The following LRP1B variants were observed in gnomAD, a reference collection of about 807,000 sequenced individuals.
The protein encoded by LRP1B is LDL receptor related protein 1B.
A neutral mutation model predicts 556.6 loss-of-function variants in LRP1B; 217 were observed. The observed-to-expected ratio is 0.39, with a 90% CI of 0.35 to 0.44. The LOEUF (loss-of-function observed/expected upper bound fraction) is 0.44. LRP1B is among the 20% of genes least tolerant of loss of function. LRP1B has a pLI of 1.00. For synonymous variants in LRP1B, 2,047 were observed against 1,865.8 expected (o/e 1.10, Z -2.50); for missense variants, 5,053 against 5,620.8 (o/e 0.90, Z 3.23).
At chr2:140,496,748 T>G (rs1423184517) in intron 55 of LRP1B, among the ~76,000 whole-genome samples, 3 of 152,022 alleles carry the variant, frequency 2.0e-5, no homozygotes, top group Non-Finnish European at 2.9e-5. Flanking sequence ...GGCCAGATGA[T>G]TATGATCACA....
Position 142,130,824 on chromosome 2 carries a change from G to A in LRP1B, c.-95C>T. 1.1e-6 allele frequency: 1 copy of A among 921,598 alleles called. No homozygotes were observed. Among genetic ancestry groups the A allele is most frequent in the Non-Finnish European group, 1.7e-6 (1 of 573,786 alleles). 57.1% of individuals were successfully genotyped at this position (921,598 alleles called of 1,614,324 possible). On this transcript the variant is annotated 5_prime_UTR_variant, in exon 1 of 91. Transcript: ENST00000389484. ...GGCGGCAGGGGCCGCTTGGAGCCTGGAATCGAGCGGCGTCATTTACAAATG... is the reference window on the plus strand; with the variant it reads ...GGCGGCAGGGGCCGCTTGGAGCCTGAAATCGAGCGGCGTCATTTACAAATG...
intron 18 of LRP1B, among the ~76,000 whole-genome samples, chr2:140,956,771 G>A (rs1256439883): frequency 4.0e-5 from 6 of 151,734 alleles, no homozygotes; most frequent in South Asian, 2.1e-4. Flanking sequence ...AAGGCTTTGC[G>A]GGCAGGTAAA....
At chr2:141,334,614 C>G (rs1050095260) in intron 3 of LRP1B, among the ~76,000 whole-genome samples, 1 of 152,326 alleles carries the variant, frequency 6.6e-6, no homozygotes, top group Non-Finnish European at 1.5e-5. Flanking sequence ...TGTAGTGGCA[C>G]CATCTTGGCT....
In LRP1B at chr2:141,810,394, C is replaced by A. The variant is rs141633030; in HGVS notation, c.90G>T (p.Gln30His). 16 of 1,612,700 alleles carry A rather than the reference C, an allele frequency of 9.9e-6. No homozygotes were observed. The African/African-American group carries it at 2.1e-4, about 22-fold the overall frequency. The change falls in exon 2 of 91, where the codon CAG (glutamine) becomes CAT (histidine). Residue 30 changes from glutamine to histidine, a missense_variant. By Grantham distance (24) the Gln-to-His change is conservative (BLOSUM62 0). Coordinates refer to ENST00000389484, the MANE Select transcript of LRP1B (RefSeq NM_018557.3). ...VLTVGADRDQ[Q>H]LCDPGEFLCH... ...AAAGAAATTCACCAGGATCACACAA[C>A]TGCTGATCTGAAAATGAAAATGTTT...
At chr2:140,412,772 G>GT (rs1315352285) in intron 66 of LRP1B, among the ~76,000 whole-genome samples, 1 of 151,920 alleles carries the variant, frequency 6.6e-6, no homozygotes, top group Admixed American at 6.6e-5. Flanking sequence ...AATGTTTGCC[G>GT]TTTTTTACAT....
intron 35 of LRP1B, among the ~76,000 whole-genome samples, chr2:140,720,683 A>G (rs999779989): frequency 2.0e-5 from 3 of 152,108 alleles, no homozygotes; most frequent in African/African-American, 7.2e-5. Context: ...CCTTGTCTGT[A>G]TTCTTATGAT....
At chr2:141,966,830 G>A (rs773541681) in intron 1 of LRP1B, among the ~76,000 whole-genome samples, 1 of 151,614 alleles carries the variant, frequency 6.6e-6, no homozygotes, top group African/African-American at 2.4e-5. Flanking sequence ...CTCTAAGCTC[G>A]CTGGATACAT....
chr2:141,493,680 A>T lies in LRP1B; in HGVS notation c.206-13147T>A, dbSNP rs1475658418. Reference sequence around the variant, plus strand: ...GCCCACCTGTGTCTGAGCCAGCAGGAGATTATTTGAGGGGTCCTGTGATGG... The same window carrying T: ...GCCCACCTGTGTCTGAGCCAGCAGGTGATTATTTGAGGGGTCCTGTGATGG... On this transcript the variant is annotated intron_variant, in intron 2 of 90. Coordinates refer to ENST00000389484, the MANE Select transcript of LRP1B (RefSeq NM_018557.3). Among the ~76,000 whole-genome samples, 3 of 152,200 alleles carry T rather than the reference A, an allele frequency of 2.0e-5. No individual in the cohort carries two copies. The East Asian group carries it at 5.8e-4, about 29-fold the overall frequency.
chr2:141,007,114 T>C (rs912690671), intron 14 of LRP1B, among the ~76,000 whole-genome samples: 9 of 151,912 alleles, frequency 5.9e-5, no homozygotes, highest in Admixed American at 2.0e-4. Context: ...GAGCTTTTAA[T>C]TACTTAGAGC....
At chr2:140,961,177 G>A (rs1696022373) in intron 18 of LRP1B, among the ~76,000 whole-genome samples, 1 of 151,762 alleles carries the variant, frequency 6.6e-6, no homozygotes, top group Admixed American at 6.6e-5. Context: ...CCTTAAGCAG[G>A]CAAAATATCA....
intron 41 of LRP1B, among the ~76,000 whole-genome samples, chr2:140,610,406 T>C (rs1683027528): frequency 6.6e-6 from 1 of 152,168 alleles, no homozygotes. Flanking sequence ...ATCCACTGAA[T>C]GCAGGGTCTG....
At chr2:141,542,926 T>C (rs190336589) in intron 2 of LRP1B, among the ~76,000 whole-genome samples, 1 of 152,200 alleles carries the variant, frequency 6.6e-6, no homozygotes, top group African/African-American at 2.4e-5. Flanking sequence ...TTAAAAAAGA[T>C]TAAGGTAGTT....
At chr2:140,854,771 G>A (rs76415715) in intron 27 of LRP1B, among the ~76,000 whole-genome samples, 1,594 of 152,132 alleles carry the variant, frequency 0.01, 22 homozygotes, top group African/African-American at 0.032. Context: ...AAAACCACAT[G>A]GCCCACAAAG....
chr2:141,128,019 T>C (rs1701259426), intron 7 of LRP1B, among the ~76,000 whole-genome samples: 1 of 152,196 alleles, frequency 6.6e-6, no homozygotes, highest in East Asian at 1.9e-4. Flanking sequence ...AGACATGTTT[T>C]TGCTATATTG....
chr2:141,685,091 TC>T (rs1191422715), intron 2 of LRP1B, among the ~76,000 whole-genome samples: 2 of 152,068 alleles, frequency 1.3e-5, no homozygotes, highest in Non-Finnish European at 2.9e-5. Context: ...GACCAATAAC[TC>T]CTTTTTCTTT....
intron 2 of LRP1B, among the ~76,000 whole-genome samples, chr2:141,482,226 G>A (rs1449175094): frequency 6.6e-6 from 1 of 152,096 alleles, no homozygotes; most frequent in African/African-American, 2.4e-5. Context: ...TATCAAATAG[G>A]AATTATAGGT....
intron 60 of LRP1B, among the ~76,000 whole-genome samples, chr2:140,464,250 T>C (rs1249695507): frequency 6.6e-6 from 1 of 151,906 alleles, no homozygotes; most frequent in Non-Finnish European, 1.5e-5. Flanking sequence ...ATACTGTATT[T>C]AGAAATCTTT....
intron 2 of LRP1B, among the ~76,000 whole-genome samples, chr2:141,493,761 T>C (rs1683418777): frequency 6.6e-6 from 1 of 152,160 alleles, no homozygotes; most frequent in Non-Finnish European, 1.5e-5. Context: ...TTAACCGTTA[T>C]GGCTGTATCA....
At chr2:141,705,037 C>G (rs997007896) in intron 2 of LRP1B, among the ~76,000 whole-genome samples, 1 of 151,890 alleles carries the variant, frequency 6.6e-6, no homozygotes, top group Non-Finnish European at 1.5e-5. Flanking sequence ...TTACCATGTA[C>G]CACGTACTAA....
Sources: gnomAD v4.1 joint callset for allele counts (sites outside exome capture counted in the v4.1 genomes callset) on GRCh38, gnomAD v4.1.1 for gene constraint, MANE v1.5 for transcripts, NCBI Gene and HGNC (gene_info 2026-07-23, HGNC 2026-07-21) for gene names.